POU6F2: variants seen among roughly 807,000 people sequenced by gnomAD.
POU6F2 encodes the protein POU domain, class 6, transcription factor 2.
A neutral mutation model predicts 71.3 loss-of-function variants in POU6F2; 31 were observed. The ratio of observed to expected loss-of-function variants is 0.43; its 90% CI spans 0.33 to 0.59. The LOEUF (loss-of-function observed/expected upper bound fraction) is 0.59, where lower values mean the gene tolerates loss of function less well. POU6F2 is among the 20% of genes least tolerant of loss of function. The pLI is 0.04. For synonymous variants in POU6F2, 347 were observed against 355.7 expected, an observed-to-expected ratio of 0.98 and a Z score of 0.27; for missense variants, 783 against 856.8, an observed-to-expected ratio of 0.91 and a Z score of 1.07.
intron 3 of POU6F2, among the ~76,000 whole-genome samples, chr7:39,205,061 C>CA (rs1226047002): frequency 7.9e-5 from 12 of 151,942 alleles, no homozygotes; most frequent in Non-Finnish European, 1.5e-4. Flanking sequence ...ATTGAGGGCT[C>CA]ACCCAAGTTT....
intron 1 of POU6F2, among the ~76,000 whole-genome samples, chr7:39,083,110 G>A (rs941786250): frequency 1.3e-5 from 2 of 152,170 alleles, no homozygotes; most frequent in African/African-American, 4.8e-5. Context: ...CTTGAACTCA[G>A]CAGCTGCATT....
At chr7:39,136,742 C>G (rs1276598100) in intron 2 of POU6F2, among the ~76,000 whole-genome samples, 1 of 151,730 alleles carries the variant, frequency 6.6e-6, no homozygotes, top group East Asian at 1.9e-4. Flanking sequence ...ACCTGTAATC[C>G]CAGCACTTTG....
chr7:38,999,609 A>G (rs1174940956), intron 1 of POU6F2, among the ~76,000 whole-genome samples: 1 of 152,166 alleles, frequency 6.6e-6, no homozygotes, highest in Non-Finnish European at 1.5e-5. Flanking sequence ...ATCCTTGTCT[A>G]TGCAGAGGTG....
chr7:39,268,833 G>T (rs113847196), intron 4 of POU6F2, among the ~76,000 whole-genome samples: 7 of 152,262 alleles, frequency 4.6e-5, no homozygotes, highest in African/African-American at 1.7e-4. Context: ...GTTTTATTCA[G>T]ATTTGCCACC....
intron 2 of POU6F2, among the ~76,000 whole-genome samples, chr7:39,155,704 T>A (rs1367331080): frequency 6.6e-6 from 1 of 152,220 alleles, no homozygotes; most frequent in Non-Finnish European, 1.5e-5. Flanking sequence ...AACATCCAAT[T>A]TTATAATTTA....
chr7:39,181,609 T>C (rs778999515), intron 2 of POU6F2, among the ~76,000 whole-genome samples: 2 of 152,108 alleles, frequency 1.3e-5, no homozygotes, highest in Non-Finnish European at 2.9e-5. Context: ...CCACAGAAAA[T>C]CCATGGTCTC....
At chr7:39,400,047 T>C (rs76112522) in intron 5 of POU6F2, among the ~76,000 whole-genome samples, 3,589 of 152,262 alleles carry the variant, frequency 0.024, 83 homozygotes, top group Middle Eastern at 0.054. Flanking sequence ...GCTGAAATCA[T>C]TGGCCACTGG....
chr7:39,451,388 C>T, intron 7 of POU6F2, 145 bp from the exon 8 acceptor site: 1 of 722,758 alleles, frequency 1.4e-6, no homozygotes. Flanking sequence ...AAATGACTGC[C>T]TGCTGTGTAG....
intron 2 of POU6F2, among the ~76,000 whole-genome samples, chr7:39,101,020 A>G (rs796461585): frequency 6.6e-6 from 1 of 151,478 alleles, no homozygotes; most frequent in South Asian, 2.1e-4. Flanking sequence ...TTCATTTCCA[A>G]CCACCATCTA....
chr7:39,258,305 G>A (rs1278503969), intron 4 of POU6F2, among the ~76,000 whole-genome samples: 3 of 152,204 alleles, frequency 2.0e-5, no homozygotes, highest in Admixed American at 2.0e-4. Context: ...GAAGGCGGCA[G>A]CTCTACCTTT....
At chr7:39,048,850 A>G (rs1205668155) in intron 1 of POU6F2, among the ~76,000 whole-genome samples, 1 of 151,906 alleles carries the variant, frequency 6.6e-6, no homozygotes, top group African/African-American at 2.4e-5. Context: ...TATTTTTATG[A>G]CTTTTTAATA....
At chr7:39,252,562 C>T (rs982447792) in intron 4 of POU6F2, among the ~76,000 whole-genome samples, 1 of 152,160 alleles carries the variant, frequency 6.6e-6, no homozygotes, top group Non-Finnish European at 1.5e-5. Flanking sequence ...AGGGTTCACG[C>T]AACTTTCTCT....
At chr7:38,996,109 G>T (rs950654932) in intron 1 of POU6F2, among the ~76,000 whole-genome samples, 10 of 147,544 alleles carry the variant, frequency 6.8e-5, no homozygotes, top group Admixed American at 2.1e-4. Context: ...GCGCGATCTC[G>T]GCTCACTGCA....
At chr7:39,361,951 C>T (rs2115714374) in intron 5 of POU6F2, among the ~76,000 whole-genome samples, 1 of 152,246 alleles carries the variant, frequency 6.6e-6, no homozygotes, top group Middle Eastern at 3.4e-3. Context: ...TGTAGCATGT[C>T]CCTCACAAGC....
rs1344235549 is a variant in POU6F2 at position 39,466,993 on chromosome 7, G to A, written c.*2307G>A. On this transcript the variant is annotated 3_prime_UTR_variant, in exon 10 of 10. Coordinates refer to ENST00000518318, the MANE Select transcript of POU6F2 (RefSeq NM_001370959.1). Reference sequence around the variant, plus strand: ...GAAGTTAACAAGATAACATATGATGGATGCTAAATATTTAAATATATGCCG... The same window carrying A: ...GAAGTTAACAAGATAACATATGATGAATGCTAAATATTTAAATATATGCCG... 1 of 152,160 alleles carries A rather than the reference G, an allele frequency of 6.6e-6. No homozygotes were observed. Among genetic ancestry groups the A allele is most frequent in the Non-Finnish European group, 1.5e-5 (1 of 68,026 alleles). 9.4% of individuals were successfully genotyped at this position (152,160 alleles called of 1,614,324 possible).
intron 4 of POU6F2, among the ~76,000 whole-genome samples, chr7:39,247,569 TA>T (rs1339410711): frequency 6.6e-6 from 1 of 152,162 alleles, no homozygotes; most frequent in Non-Finnish European, 1.5e-5. Context: ...ATATGGCTAA[TA>T]AATGACAGAG....
chr7:39,167,511 T>C (rs1793138710), intron 2 of POU6F2, among the ~76,000 whole-genome samples: 1 of 152,162 alleles, frequency 6.6e-6, no homozygotes, highest in Non-Finnish European at 1.5e-5. Context: ...TGACTATTAC[T>C]ACCAGAAGGT....
At chr7:39,096,589 C>T (rs994439764) in intron 2 of POU6F2, among the ~76,000 whole-genome samples, 2 of 152,134 alleles carry the variant, frequency 1.3e-5, no homozygotes, top group Non-Finnish European at 2.9e-5. Flanking sequence ...CACACTCGTT[C>T]TGATTCAGCC....
At chr7:39,450,109 T>C (rs1261605356) in intron 7 of POU6F2, among the ~76,000 whole-genome samples, 1 of 152,220 alleles carries the variant, frequency 6.6e-6, no homozygotes, top group African/African-American at 2.4e-5. Flanking sequence ...GTGTAAATTA[T>C]ATCTCAATAA....
Sources: allele counts gnomAD v4.1 joint callset (sites outside exome capture counted in the v4.1 genomes callset), GRCh38; gene constraint gnomAD v4.1.1; transcripts MANE v1.5; gene names NCBI Gene and HGNC (gene_info 2026-07-23, HGNC 2026-07-21).